The following RALYL variants were observed in gnomAD, a reference collection of about 807,000 sequenced individuals.
RALYL encodes the protein RNA-binding Raly-like protein.
RALYL carries 29 observed loss-of-function variants against 35.1 expected under a neutral mutation model. That is an observed-to-expected ratio of 0.83 (90% CI 0.61 to 1.13). The LOEUF is 1.13. RALYL is among the 50% of genes most tolerant of loss of function. RALYL has a pLI of 0.00. For missense variants in RALYL, 359 were observed against 360.4 expected (o/e 1.00, Z 0.03); for synonymous variants, 120 against 127.6 (o/e 0.94, Z 0.40).
intron 1 of RALYL, among the ~76,000 whole-genome samples, chr8:84,462,620 T>C (rs1459788790): frequency 1.4e-5 from 2 of 143,764 alleles, no homozygotes; most frequent in African/African-American, 5.2e-5. Flanking sequence ...TTTTTTTGCA[T>C]GTGGATATCC....
chr8:84,471,660 T>G (rs2052772524), intron 1 of RALYL, among the ~76,000 whole-genome samples: 1 of 152,136 alleles, frequency 6.6e-6, no homozygotes, highest in Admixed American at 6.5e-5. Flanking sequence ...AATAAACAAA[T>G]AAGCATTATC....
intron 1 of RALYL, among the ~76,000 whole-genome samples, chr8:84,424,415 A>C (rs2046082065): frequency 8.5e-6 from 1 of 117,210 alleles, no homozygotes; most frequent in Admixed American, 8.5e-5. Flanking sequence ...TCCTTTAAGC[A>C]CTTCTCTGTA....
intron 2 of RALYL, among the ~76,000 whole-genome samples, chr8:84,569,767 G>GA (rs1807468099): frequency 6.6e-6 from 1 of 151,770 alleles, no homozygotes; most frequent in Admixed American, 6.6e-5. Flanking sequence ...TTTTATATAT[G>GA]ATGAGGGACA....
chr8:84,357,103 C>T (rs1439837181), intron 1 of RALYL, among the ~76,000 whole-genome samples: 1 of 152,020 alleles, frequency 6.6e-6, no homozygotes, highest in African/African-American at 2.4e-5. Context: ...ACTTGCAATC[C>T]TGCTGCACAT....
At chr8:84,380,109 A>C (rs1260192815) in intron 1 of RALYL, among the ~76,000 whole-genome samples, 1 of 151,352 alleles carries the variant, frequency 6.6e-6, no homozygotes, top group Non-Finnish European at 1.5e-5. Context: ...TAAACTGTAG[A>C]AAGAGCATGC....
At chr8:84,428,278 A>C (rs1283994478) in intron 1 of RALYL, among the ~76,000 whole-genome samples, 2 of 152,216 alleles carry the variant, frequency 1.3e-5, no homozygotes, top group African/African-American at 4.8e-5. Context: ...TTAGATAAAA[A>C]GATAATCAAA....
chr8:84,226,488 C>A (rs935489414), intron 1 of RALYL, among the ~76,000 whole-genome samples: 5 of 152,164 alleles, frequency 3.3e-5, no homozygotes, highest in African/African-American at 4.8e-5. Context: ...CTCATCGCAA[C>A]TTCCGCCTCC....
intron 1 of RALYL, among the ~76,000 whole-genome samples, chr8:84,317,043 C>G (rs894576900): frequency 1.3e-5 from 2 of 151,980 alleles, no homozygotes; most frequent in African/African-American, 2.4e-5. Context: ...GCAAAAATAC[C>G]CACTTCTTAC....
chr8:84,446,959 G>C (rs902309889), intron 1 of RALYL, among the ~76,000 whole-genome samples: 10 of 151,960 alleles, frequency 6.6e-5, no homozygotes, highest in Non-Finnish European at 1.5e-5. Flanking sequence ...TAATTCACAC[G>C]CTACCGAGCA....
chr8:84,335,163 T>C (rs1310989653), intron 1 of RALYL, among the ~76,000 whole-genome samples: 2 of 152,154 alleles, frequency 1.3e-5, no homozygotes, highest in African/African-American at 4.8e-5. Flanking sequence ...AAGAATACTC[T>C]AGTGGAACAT....
At chr8:84,310,527 G>T (rs1045765065) in intron 1 of RALYL, among the ~76,000 whole-genome samples, 1 of 151,858 alleles carries the variant, frequency 6.6e-6, no homozygotes, top group African/African-American at 2.4e-5. Context: ...GAAGGGAAGG[G>T]AAATGAACGA....
At chr8:84,852,694 G>C (rs1010541759) in intron 5 of RALYL, among the ~76,000 whole-genome samples, 1 of 152,162 alleles carries the variant, frequency 6.6e-6, no homozygotes, top group Non-Finnish European at 1.5e-5. Context: ...TTACCGGAAA[G>C]GGGTCCCAAT....
At chr8:84,637,121 T>C (rs1432070668) in intron 2 of RALYL, among the ~76,000 whole-genome samples, 1 of 151,926 alleles carries the variant, frequency 6.6e-6, no homozygotes, top group African/African-American at 2.4e-5. Context: ...TTATCCTTAA[T>C]GTTCCAAAAT....
At chr8:84,731,683 A>G (rs766001621) in intron 2 of RALYL, among the ~76,000 whole-genome samples, 12 of 152,084 alleles carry the variant, frequency 7.9e-5, no homozygotes, top group Admixed American at 4.6e-4. Context: ...TTTGTTTTGT[A>G]TACTATAGCC....
intron 4 of RALYL, among the ~76,000 whole-genome samples, chr8:84,830,016 TG>T (rs34806186): frequency 0.33 from 35,172 of 106,196 alleles, 5,794 homozygotes; most frequent in East Asian, 0.53. Flanking sequence ...AGCACTATAC[TG>T]GGGGGGGGGG....
chr8:84,752,326 C>A (rs954179938), intron 2 of RALYL, among the ~76,000 whole-genome samples: 1 of 152,124 alleles, frequency 6.6e-6, no homozygotes, highest in African/African-American at 2.4e-5. Flanking sequence ...CTTCTAACCA[C>A]CTATGCTTGT....
At chr8:84,730,080 A>G (rs1271261362) in intron 2 of RALYL, among the ~76,000 whole-genome samples, 1 of 152,152 alleles carries the variant, frequency 6.6e-6, no homozygotes, top group Non-Finnish European at 1.5e-5. Flanking sequence ...AGACACAACC[A>G]AAAAAGAGAA....
intron 1 of RALYL, among the ~76,000 whole-genome samples, chr8:84,272,032 G>A (rs1006836287): frequency 2.6e-5 from 4 of 152,050 alleles, no homozygotes; most frequent in Admixed American, 6.6e-5. Context: ...GAGATTCTAA[G>A]ATTATTTTCT....
intron 1 of RALYL, among the ~76,000 whole-genome samples, chr8:84,204,586 CTTG>C (rs1319544005): frequency 3.9e-5 from 6 of 152,132 alleles, no homozygotes; most frequent in Non-Finnish European, 5.9e-5. Context: ...TTTGGTTTTT[CTTG>C]TTGTTGTTTC....
Sources: allele counts gnomAD v4.1 joint callset (sites outside exome capture counted in the v4.1 genomes callset), GRCh38; gene constraint gnomAD v4.1.1; transcripts MANE v1.5; gene names NCBI Gene and HGNC (gene_info 2026-07-23, HGNC 2026-07-21).